The following CACNG2 variants were observed in gnomAD, a reference collection of about 807,000 sequenced individuals.
CACNG2 encodes voltage-dependent calcium channel gamma-2 subunit.
A neutral mutation model predicts 25.9 loss-of-function variants in CACNG2; 3 were observed. The observed-to-expected ratio is 0.12, with a 90% confidence interval of 0.05 to 0.30. The LOEUF (loss-of-function observed/expected upper bound fraction) is 0.30, where lower values mean the gene tolerates loss of function less well. Among genes scored for constraint, CACNG2 ranks in the 10% least tolerant of loss-of-function variants. The probability of loss-of-function intolerance (pLI) is 1.00; values close to 1 mark genes in which losing one functional copy is unlikely to be tolerated. For synonymous variants in CACNG2, 167 were observed against 173.3 expected (o/e 0.96, Z 0.29); for missense variants, 341 against 432.5 (o/e 0.79, Z 1.88).
intron 1 of CACNG2, among the ~76,000 whole-genome samples, chr22:36,663,232 C>G (rs1699697822): frequency 6.6e-6 from 1 of 152,112 alleles, no homozygotes; most frequent in Admixed American, 6.5e-5. Flanking sequence ...CGGATTTGAC[C>G]AGTAGCTGTT....
At chr22:36,654,712 A>T (rs1171824488) in intron 1 of CACNG2, among the ~76,000 whole-genome samples, 1 of 152,188 alleles carries the variant, frequency 6.6e-6, no homozygotes, top group Non-Finnish European at 1.5e-5. Context: ...AAAAGTTCCA[A>T]TTTAATTCAG....
At chr22:36,590,448 C>T (rs1935572462) in intron 1 of CACNG2, among the ~76,000 whole-genome samples, 1 of 152,160 alleles carries the variant, frequency 6.6e-6, no homozygotes, top group African/African-American at 2.4e-5. Flanking sequence ...TCCAGGGTTC[C>T]CTTGTGTAAG....
chr22:36,567,777 G>A (rs1214663471), intron 2 of CACNG2, among the ~76,000 whole-genome samples: 1 of 152,092 alleles, frequency 6.6e-6, no homozygotes, highest in Non-Finnish European at 1.5e-5. Context: ...ACCCAGCTCC[G>A]TGTCCTGGGA....
Position 36,564,428 on chromosome 22 carries a change from C to A in CACNG2, c.895G>T (p.Val299Phe). ...TTCTCCTTCTGGATACAGTTGTGAACCTGGAGGAAGCTGTTATCCCTGTCG... is the reference window on the plus strand; with the variant it reads ...TTCTCCTTCTGGATACAGTTGTGAAACTGGAGGAAGCTGTTATCCCTGTCG... ...NSDRDNSFLQ[V>F]HNCIQKENKD... The change falls in exon 4 of 4, where the codon GTT becomes TTT. Residue 299 changes from valine (V) to phenylalanine (F), a missense_variant. Coordinates refer to ENST00000300105, the MANE Select transcript of CACNG2 (RefSeq NM_006078.5). The surrounding 1 kb of genome is among the most constrained non-coding windows in gnomAD (Gnocchi z 6.7). 1 of 1,613,938 alleles carries A rather than the reference C, an allele frequency of 6.2e-7. No homozygotes were observed. The highest frequency in any genetic ancestry group is 8.5e-7 in the Non-Finnish European group (1 of 1,179,964).
At chr22:36,652,657 C>G (rs1252778795) in intron 1 of CACNG2, among the ~76,000 whole-genome samples, 1 of 152,108 alleles carries the variant, frequency 6.6e-6, no homozygotes. Flanking sequence ...CTGGATGACT[C>G]TTTTGCCCAT....
intron 1 of CACNG2, among the ~76,000 whole-genome samples, chr22:36,633,877 C>T (rs988524567): frequency 2.6e-5 from 4 of 152,204 alleles, no homozygotes; most frequent in African/African-American, 7.2e-5. Flanking sequence ...AAGTCGGTTT[C>T]GGTGGATCTG....
chr22:36,685,013 C>T (rs1054786088), intron 1 of CACNG2, among the ~76,000 whole-genome samples: 7 of 152,158 alleles, frequency 4.6e-5, no homozygotes, highest in African/African-American at 7.2e-5. Flanking sequence ...GTGGTCCTGC[C>T]GTCTGAGACT....
chr22:36,641,528 C>T (rs1601431595), intron 1 of CACNG2, among the ~76,000 whole-genome samples: 1 of 152,152 alleles, frequency 6.6e-6, no homozygotes, highest in East Asian at 1.9e-4. Flanking sequence ...TTAATTCACA[C>T]CGGATTCCTG....
chr22:36,602,070 A>G (rs1341918687), intron 1 of CACNG2, among the ~76,000 whole-genome samples: 2 of 152,138 alleles, frequency 1.3e-5, no homozygotes. Context: ...CCTGAAGATT[A>G]GTGACGTTGG....
chr22:36,664,423 G>C (rs577853079), intron 1 of CACNG2, among the ~76,000 whole-genome samples: 8 of 152,190 alleles, frequency 5.3e-5, no homozygotes, highest in Non-Finnish European at 1.2e-4. Flanking sequence ...TAAAGCTTAC[G>C]CTCATTCCAC....
intron 1 of CACNG2, among the ~76,000 whole-genome samples, chr22:36,680,610 TTAC>T (rs1937100253): frequency 1.9e-5 from 1 of 53,852 alleles, no homozygotes; most frequent in Non-Finnish European, 3.9e-5. Context: ...ATGGCTATAA[TTAC>T]TACCACCATC....
chr22:36,625,998 C>A (rs537903640), intron 1 of CACNG2, among the ~76,000 whole-genome samples: 3 of 152,292 alleles, frequency 2.0e-5, no homozygotes, highest in African/African-American at 7.2e-5. Context: ...CGGCTCACTG[C>A]AACCTCCGCC....
intron 1 of CACNG2, among the ~76,000 whole-genome samples, chr22:36,655,218 C>T (rs1329673870): frequency 6.6e-6 from 1 of 152,060 alleles, no homozygotes; most frequent in Non-Finnish European, 1.5e-5. Context: ...AGAACTGAGC[C>T]ACTTGGAGGT....
chr22:36,629,399 G>T (rs984841655), intron 1 of CACNG2, among the ~76,000 whole-genome samples: 2 of 152,138 alleles, frequency 1.3e-5, no homozygotes, highest in African/African-American at 4.8e-5. Context: ...TCAGAGCTTG[G>T]GGGAGGGACC....
intron 1 of CACNG2, among the ~76,000 whole-genome samples, chr22:36,694,050 C>A (rs977276178): frequency 6.6e-6 from 1 of 152,158 alleles, no homozygotes; most frequent in African/African-American, 2.4e-5. Context: ...AAGCAAGTTG[C>A]TGGTAAGGCC....
chr22:36,644,844 T>C (rs899592760), intron 1 of CACNG2, among the ~76,000 whole-genome samples: 3 of 152,154 alleles, frequency 2.0e-5, no homozygotes, highest in Admixed American at 2.0e-4. Flanking sequence ...TTGGTTATAT[T>C]CCTTAAGGCA....
At chr22:36,610,903 G>T (rs954109453) in intron 1 of CACNG2, among the ~76,000 whole-genome samples, 1 of 152,182 alleles carries the variant, frequency 6.6e-6, no homozygotes, top group African/African-American at 2.4e-5. Flanking sequence ...GACCCCCAAG[G>T]CTACTCCCCA....
chr22:36,566,290 G>T, intron 3 of CACNG2, 63 bp downstream of exon 3: 1 of 1,523,034 alleles, frequency 6.6e-7, no homozygotes, highest in East Asian at 2.3e-5. Context: ...AGGCCCTCGT[G>T]GCCCCTGAGC....
In CACNG2 at chr22:36,564,151, C is replaced by CT. The variant is rs1012726032; in HGVS notation, c.*199dup. ...TTCTTTGTTCCTCTTATATTTTGTT[C>CT]TTTTTTTTAAAATTTACTTGTTATG... On this transcript the variant is annotated 3_prime_UTR_variant, in exon 4 of 4. Coordinates refer to ENST00000300105, the MANE Select transcript of CACNG2 (RefSeq NM_006078.5). The surrounding 1 kb of genome is among the most constrained non-coding windows in gnomAD (Gnocchi z 6.7). The CT allele has an allele frequency of 3.2e-4, 153 of 472,116 alleles. No homozygotes were observed. Among genetic ancestry groups the CT allele is most frequent in the South Asian group, 1.2e-3 (28 of 22,870 alleles). The allele number at this position is 472,116 out of a possible 1,614,324, so 29.2% of individuals were successfully genotyped here. A position where few individuals can be genotyped will look rare whatever the true frequency, so the allele number is the denominator to read the frequency against.
Sources: gnomAD v4.1 joint callset for allele counts (sites outside exome capture counted in the v4.1 genomes callset) on GRCh38, gnomAD v4.1.1 for gene constraint, Gnocchi (gnomAD v3.1) non-coding constraint, MANE v1.5 for transcripts, NCBI Gene and HGNC (gene_info 2026-07-23, HGNC 2026-07-21) for gene names.